Variants in EDIL3 observed in about 807,000 individuals in gnomAD.
EDIL3 encodes EGF like and discoidin domains 3.
In EDIL3, 37 loss-of-function variants were observed where a neutral mutation model predicts 67.4. That is an observed-to-expected ratio of 0.55 (90% CI 0.42 to 0.72). The LOEUF is 0.72. Among genes scored for constraint, EDIL3 ranks in the 30% least tolerant of loss-of-function variants. The pLI is 0.00. For synonymous variants in EDIL3, 195 were observed against 196.3 expected (o/e 0.99, Z 0.05); for missense variants, 527 against 586.3 (o/e 0.90, Z 1.04).
chr5:83,943,383 G>GA lies in EDIL3; in HGVS notation c.*35dup. ...TTCATTCCATGGAGATACTTTTAGG[G>GA]AAATAGGGAAGAGGGTTGTGAAATG... On this transcript the variant is annotated 3_prime_UTR_variant, in exon 11 of 11. Transcript: ENST00000296591. 6.2e-7 allele frequency: 1 copy of GA among 1,611,204 alleles called. No individual in the cohort carries two copies. The highest frequency in any genetic ancestry group is 8.5e-7 in the Non-Finnish European group (1 of 1,178,542).
chr5:84,209,762 T>G (rs1233707513), intron 3 of EDIL3, among the ~76,000 whole-genome samples: 1 of 152,188 alleles, frequency 6.6e-6, no homozygotes, highest in Admixed American at 6.5e-5. Context: ...GACACACGAA[T>G]TTATTGAGTG....
chr5:84,229,775 A>G, intron 3 of EDIL3, 80 bp downstream of exon 3: 1 of 1,431,218 alleles, frequency 7.0e-7, no homozygotes. Flanking sequence ...ATCTGAAAAA[A>G]TATTACTCAA....
chr5:84,133,609 A>C (rs542232422), intron 5 of EDIL3, among the ~76,000 whole-genome samples: 1 of 152,092 alleles, frequency 6.6e-6, no homozygotes, highest in South Asian at 2.1e-4. Context: ...CCTGGGCGAC[A>C]GAGTGAGACT....
chr5:84,110,533 A>T (rs925770646), intron 5 of EDIL3, among the ~76,000 whole-genome samples: 82 of 152,234 alleles, frequency 5.4e-4, no homozygotes, highest in Non-Finnish European at 4.4e-5. Context: ...ATGATAATTG[A>T]TGAAGTAATC....
intron 2 of EDIL3, among the ~76,000 whole-genome samples, chr5:84,238,782 GT>G (rs1744732811): frequency 7.3e-6 from 1 of 136,146 alleles, no homozygotes; most frequent in South Asian, 2.4e-4. Flanking sequence ...TGCAAAACTT[GT>G]CTCCCTAGGC....
intron 9 of EDIL3, among the ~76,000 whole-genome samples, chr5:84,024,022 C>T (rs945345818): frequency 1.3e-5 from 2 of 152,094 alleles, no homozygotes; most frequent in African/African-American, 2.4e-5. Context: ...GAGCCATTAA[C>T]CATGGACTGT....
intron 9 of EDIL3, among the ~76,000 whole-genome samples, chr5:84,018,969 C>T (rs532153703): frequency 6.6e-6 from 1 of 152,252 alleles, no homozygotes; most frequent in South Asian, 2.1e-4. Context: ...AGTTCAACCA[C>T]TGTGGAAGTC....
intron 9 of EDIL3, among the ~76,000 whole-genome samples, chr5:83,973,303 A>T (rs1020218452): frequency 6.6e-6 from 1 of 152,114 alleles, no homozygotes; most frequent in African/African-American, 2.4e-5. Flanking sequence ...CAAGTTTTTG[A>T]TCAAAGAGCA....
At chr5:84,342,308 A>G (rs1203286714) in intron 1 of EDIL3, among the ~76,000 whole-genome samples, 1 of 152,088 alleles carries the variant, frequency 6.6e-6, no homozygotes, top group Non-Finnish European at 1.5e-5. Context: ...TAATGTGTAC[A>G]CATGGACATA....
chr5:84,150,315 C>T (rs927595185), intron 4 of EDIL3, among the ~76,000 whole-genome samples: 2 of 152,080 alleles, frequency 1.3e-5, no homozygotes, highest in Non-Finnish European at 2.9e-5. Flanking sequence ...CCATAAACTC[C>T]TGCTCCCCAA....
At chr5:84,268,159 A>G (rs1031591171) in intron 1 of EDIL3, among the ~76,000 whole-genome samples, 22 of 152,056 alleles carry the variant, frequency 1.4e-4, no homozygotes, top group African/African-American at 5.3e-4. Context: ...AAATAAATAA[A>G]TAAATAACAA....
At chr5:84,348,814 A>G (rs1435779000) in intron 1 of EDIL3, among the ~76,000 whole-genome samples, 1 of 152,172 alleles carries the variant, frequency 6.6e-6, no homozygotes, top group Non-Finnish European at 1.5e-5. Context: ...TTAAAGTACC[A>G]TCAAAACTTG....
rs59552122 is a variant in EDIL3 at position 84,230,763 on chromosome 5, ATGTGTGTGTGTGTG to A, written c.197-893_197-880del. On this transcript the variant is annotated intron_variant, in intron 2 of 10. Transcript: ENST00000296591. ...CTCTCTCTCTCTCTCCCACTACGTGATGTGTGTGTGTGTGTGTGTGTGTGTGTGTGTGTGTGACA... is the reference window on the plus strand; with the variant it reads ...CTCTCTCTCTCTCTCCCACTACGTGATGTGTGTGTGTGTGTGTGTGTGACA... 1.8e-4 allele frequency among the ~76,000 whole-genome samples: 25 copies of A among 137,228 alleles called. No individual in the cohort carries two copies. In the East Asian group the frequency reaches 4.9e-3, roughly 27 times the overall value. 90.0% of individuals were successfully genotyped at this position (137,228 alleles called of 152,430 possible).
chr5:84,276,612 A>C (rs1415169129), intron 1 of EDIL3, among the ~76,000 whole-genome samples: 1 of 152,014 alleles, frequency 6.6e-6, no homozygotes, highest in Non-Finnish European at 1.5e-5. Flanking sequence ...TCTGTCACCC[A>C]AGCTGGAGTG....
chr5:84,166,099 T>G (rs1748698820), intron 4 of EDIL3, among the ~76,000 whole-genome samples: 1 of 152,094 alleles, frequency 6.6e-6, no homozygotes, highest in Non-Finnish European at 1.5e-5. Flanking sequence ...TAAACAATCT[T>G]AAAAAGCTTT....
intron 6 of EDIL3, among the ~76,000 whole-genome samples, chr5:84,091,051 C>CA (rs1261191927): frequency 6.6e-6 from 1 of 152,014 alleles, no homozygotes; most frequent in African/African-American, 2.4e-5. Flanking sequence ...CAGTCACTAA[C>CA]AGTGTCCACT....
intron 9 of EDIL3, among the ~76,000 whole-genome samples, chr5:84,024,601 A>ATT (rs1745779267): frequency 6.6e-6 from 1 of 152,250 alleles, no homozygotes; most frequent in African/African-American, 2.4e-5. Context: ...GAGAAAGGGC[A>ATT]CTGACAAGGA....
intron 1 of EDIL3, among the ~76,000 whole-genome samples, chr5:84,256,087 A>G (rs1256452642): frequency 6.6e-6 from 1 of 152,174 alleles, no homozygotes; most frequent in African/African-American, 2.4e-5. Context: ...ATACTTCAGT[A>G]GACTTGCTAT....
At chr5:84,092,773 T>TG (rs1333207399) in intron 6 of EDIL3, among the ~76,000 whole-genome samples, 1 of 142,132 alleles carries the variant, frequency 7.0e-6, no homozygotes, top group Non-Finnish European at 1.5e-5. Context: ...AAATCAAACA[T>TG]TTATTCTTTT....
Sources: allele counts gnomAD v4.1 joint callset (sites outside exome capture counted in the v4.1 genomes callset), GRCh38; gene constraint gnomAD v4.1.1; transcripts MANE v1.5; gene names NCBI Gene and HGNC (gene_info 2026-07-23, HGNC 2026-07-21).